DLGAP2: variants seen among roughly 807,000 people sequenced by gnomAD.
DLGAP2 encodes the protein disks large-associated protein 2.
DLGAP2 carries 26 observed loss-of-function variants against 100.3 expected under a neutral mutation model. That is an observed-to-expected ratio of 0.26 (90% CI 0.19 to 0.36). The LOEUF is 0.36. Among genes scored for constraint, DLGAP2 ranks in the 10% least tolerant of loss-of-function variants. The probability of loss-of-function intolerance (pLI) is 1.00; values close to 1 mark genes in which losing one functional copy is unlikely to be tolerated. For missense variants in DLGAP2, 1,858 were observed against 1,453.2 expected, an observed-to-expected ratio of 1.28 and a Z score of -4.53; for synonymous variants, 886 against 630.1, an observed-to-expected ratio of 1.41 and a Z score of -6.08.
intron 2 of DLGAP2, among the ~76,000 whole-genome samples, chr8:1,009,777 C>T (rs777657782): frequency 3.3e-5 from 5 of 152,358 alleles, no homozygotes; most frequent in Non-Finnish European, 7.3e-5. Flanking sequence ...AGACCTTGCT[C>T]ACATAATCCT....
In DLGAP2 at chr8:1,199,250, A is replaced by G. The variant is rs117545865; in HGVS notation, c.74-59601A>G. ...TGTGGATAATTGAAAGCATGGCTGA[A>G]TAGATATCGTTGAAGACTCTGCTTC... On this transcript the variant is annotated intron_variant, in intron 2 of 14. Transcript: ENST00000637795. Among the ~76,000 whole-genome samples, 96 of 152,328 alleles carry G rather than the reference A, an allele frequency of 6.3e-4. No individual in the cohort carries two copies. In the East Asian group the frequency reaches 0.017, roughly 28 times the overall value.
At chr8:779,109 GC>G (rs1821614544) in intron 1 of DLGAP2, among the ~76,000 whole-genome samples, 1 of 152,366 alleles carries the variant, frequency 6.6e-6, no homozygotes, top group East Asian at 1.9e-4. Context: ...TTTTCCAGGT[GC>G]CGTCCGTCAC....
intron 4 of DLGAP2, among the ~76,000 whole-genome samples, chr8:1,514,893 G>T (rs1029075898): frequency 6.6e-6 from 1 of 152,176 alleles, no homozygotes; most frequent in African/African-American, 2.4e-5. Flanking sequence ...GGAGATGAAA[G>T]CCAGCCCCAC....
At chr8:1,029,516 C>T (rs1243499805) in intron 2 of DLGAP2, among the ~76,000 whole-genome samples, 1 of 151,690 alleles carries the variant, frequency 6.6e-6, no homozygotes, top group East Asian at 1.9e-4. Context: ...TCCAGCGGTG[C>T]CGAGAGGTTC....
intron 12 of DLGAP2, among the ~76,000 whole-genome samples, chr8:1,684,165 G>T (rs1563061515): frequency 6.6e-6 from 1 of 150,694 alleles, no homozygotes; most frequent in Admixed American, 6.6e-5. Context: ...ATCAGAAAAT[G>T]TAACTGCATT....
intron 8 of DLGAP2, among the ~76,000 whole-genome samples, chr8:1,665,043 T>C (rs1419384207): frequency 6.6e-6 from 1 of 152,152 alleles, no homozygotes; most frequent in Non-Finnish European, 1.5e-5. Flanking sequence ...TACAAAGAAA[T>C]CAGTTTAAAA....
intron 2 of DLGAP2, among the ~76,000 whole-genome samples, chr8:1,195,031 A>G (rs1797719575): frequency 6.6e-6 from 1 of 152,220 alleles, no homozygotes; most frequent in African/African-American, 2.4e-5. Context: ...AAGCTTGGGC[A>G]CACTTTGTTC....
At chr8:1,414,866 A>C (rs1168885360) in intron 3 of DLGAP2, among the ~76,000 whole-genome samples, 1 of 152,108 alleles carries the variant, frequency 6.6e-6, no homozygotes, top group Non-Finnish European at 1.5e-5. Flanking sequence ...AAAATTAGCC[A>C]GGCGTGGTGG....
chr8:1,223,271 G>C (rs2116816449), intron 2 of DLGAP2, among the ~76,000 whole-genome samples: 2 of 152,276 alleles, frequency 1.3e-5, no homozygotes, highest in South Asian at 2.1e-4. Context: ...TGTCCACTTT[G>C]AAAGCCTTTT....
intron 4 of DLGAP2, among the ~76,000 whole-genome samples, chr8:1,533,437 C>T (rs1801052733): frequency 3.3e-5 from 5 of 151,408 alleles, no homozygotes; most frequent in Non-Finnish European, 1.5e-5. Context: ...ACCTGGGAGG[C>T]AGAGTTTGCA....
chr8:993,681 G>T (rs765251084), intron 2 of DLGAP2, among the ~76,000 whole-genome samples: 2 of 151,914 alleles, frequency 1.3e-5, no homozygotes, highest in Non-Finnish European at 2.9e-5. Flanking sequence ...CTGAGAGGAC[G>T]TCAGTACACT....
intron 9 of DLGAP2, among the ~76,000 whole-genome samples, chr8:1,669,470 T>G (rs1027942958): frequency 1.3e-5 from 2 of 152,216 alleles, no homozygotes; most frequent in African/African-American, 4.8e-5. Flanking sequence ...CGGACGTGGT[T>G]GAGCAGGGCT....
At chr8:1,277,284 G>GC (rs1020295107) in intron 3 of DLGAP2, among the ~76,000 whole-genome samples, 2 of 152,110 alleles carry the variant, frequency 1.3e-5, no homozygotes, top group Non-Finnish European at 2.9e-5. Flanking sequence ...TGCCTATGTA[G>GC]CCCCCCCAGT....
Position 1,255,586 on chromosome 8 carries a change from C to G in DLGAP2, c.74-3265C>G, listed in dbSNP as rs114346727. Reference sequence around the variant, plus strand: ...GAGCTGTGTGTGTGTCCTTTCCTGCCTGAGCACTGTATGTGTGTCCTCTCT... The same window carrying G: ...GAGCTGTGTGTGTGTCCTTTCCTGCGTGAGCACTGTATGTGTGTCCTCTCT... On this transcript the variant is annotated intron_variant, in intron 2 of 14. Transcript: ENST00000637795. 7.7e-3 allele frequency among the ~76,000 whole-genome samples: 962 copies of G among 125,550 alleles called. 89 individuals are homozygous for G. Among genetic ancestry groups the G allele is most frequent in the African/African-American group, 0.033 (911 of 27,686 alleles). The allele number at this position is 125,550 out of a possible 152,430, so 82.4% of individuals were successfully genotyped here.
chr8:1,326,149 C>G (rs1050300820), intron 3 of DLGAP2, among the ~76,000 whole-genome samples: 5 of 152,114 alleles, frequency 3.3e-5, no homozygotes, highest in Non-Finnish European at 7.4e-5. Context: ...CTCCTTAATG[C>G]TATTTTGAAT....
intron 2 of DLGAP2, among the ~76,000 whole-genome samples, chr8:996,699 G>T (rs903422502): frequency 6.6e-6 from 1 of 152,152 alleles, no homozygotes; most frequent in African/African-American, 2.4e-5. Context: ...ACCCCCTCAA[G>T]TTAATCGTCA....
intron 2 of DLGAP2, among the ~76,000 whole-genome samples, chr8:928,599 T>G (rs2129002808): frequency 6.6e-6 from 1 of 151,694 alleles, no homozygotes; most frequent in South Asian, 2.1e-4. Context: ...CAGCATAAGG[T>G]TTTTGATTTA....
intron 2 of DLGAP2, among the ~76,000 whole-genome samples, chr8:963,925 C>T (rs953047568): frequency 2.6e-5 from 4 of 152,102 alleles, no homozygotes; most frequent in Non-Finnish European, 4.4e-5. Context: ...GCCTGAAGTT[C>T]GAAAGAACTG....
intron 6 of DLGAP2, among the ~76,000 whole-genome samples, chr8:1,598,600 T>C (rs935150069): frequency 6.6e-6 from 1 of 152,206 alleles, no homozygotes; most frequent in African/African-American, 2.4e-5. Context: ...TGGGAGGGTG[T>C]ATGTTTCCAG....
Sources: gnomAD v4.1 joint callset for allele counts (sites outside exome capture counted in the v4.1 genomes callset) on GRCh38, gnomAD v4.1.1 for gene constraint, MANE v1.5 for transcripts, NCBI Gene and HGNC (gene_info 2026-07-23, HGNC 2026-07-21) for gene names.